The following DHX35 variants were observed in gnomAD, a reference collection of about 807,000 sequenced individuals.
DHX35 encodes probable ATP-dependent RNA helicase DHX35.
Under a neutral mutation model 99.6 loss-of-function variants are expected in DHX35, and 84 were observed. The observed-to-expected ratio is 0.84, with a 90% confidence interval of 0.71 to 1.01. DHX35 has a LOEUF of 1.01. Ranked by LOEUF, DHX35 falls within the 50% of genes least tolerant of loss-of-function variation. DHX35 has a pLI of 0.00. For synonymous variants in DHX35, 331 were observed against 316.2 expected (o/e 1.05, Z -0.50); for missense variants, 852 against 888.5 (o/e 0.96, Z 0.52).
At chr20:39,029,752 G>T (rs1014244989) in intron 19 of DHX35, 5 of 152,076 alleles carry the variant, frequency 3.3e-5, no homozygotes, top group African/African-American at 1.2e-4. Context: ...CAACAATGTG[G>T]GCTACCTAAG....
chr20:38,965,934 T>C (rs568509922), intron 1 of DHX35, among the ~76,000 whole-genome samples: 2 of 152,370 alleles, frequency 1.3e-5, no homozygotes, highest in African/African-American at 2.4e-5. Flanking sequence ...TTTTAAGCTT[T>C]TTTTGACTTG....
rs1307044162 is a variant in DHX35 at position 39,039,174 on chromosome 20, G to C, written c.*631G>C. On this transcript the variant is annotated 3_prime_UTR_variant, in exon 22 of 22. Coordinates refer to ENST00000252011, the MANE Select transcript of DHX35 (RefSeq NM_021931.4). ...GATTGGTGATTGACAGAGAGGACTC[G>C]TGCGCTGTTTTGTGTTAGCAGAGGA... 6.5e-6 allele frequency: 1 copy of C among 153,162 alleles called. No individual in the cohort carries two copies. Among genetic ancestry groups the C allele is most frequent in the Admixed American group, 6.5e-5 (1 of 15,332 alleles). 9.5% of individuals were successfully genotyped at this position (153,162 alleles called of 1,614,324 possible).
intron 2 of DHX35, among the ~76,000 whole-genome samples, chr20:38,971,458 C>T (rs1338623834): frequency 6.6e-6 from 1 of 152,102 alleles, no homozygotes; most frequent in Non-Finnish European, 1.5e-5. Context: ...GTTCCCTTGT[C>T]TGCCTTCTTT....
intron 16 of DHX35, 114 bp from the exon 17 acceptor site, chr20:39,023,576 C>T (rs1329560675): frequency 1.8e-5 from 17 of 941,170 alleles, no homozygotes; most frequent in Non-Finnish European, 2.7e-5. Context: ...TGGTCTCGAA[C>T]TTCTGGGTTC....
At chr20:38,977,036 G>A (rs749903946) in intron 3 of DHX35, among the ~76,000 whole-genome samples, 3 of 152,132 alleles carry the variant, frequency 2.0e-5, no homozygotes, top group African/African-American at 7.2e-5. Context: ...TCCATGTCTC[G>A]GCTGTTGTGA....
intron 4 of DHX35, among the ~76,000 whole-genome samples, chr20:38,987,488 C>G (rs1182529613): frequency 2.6e-5 from 4 of 152,194 alleles, no homozygotes; most frequent in African/African-American, 4.8e-5. Flanking sequence ...AGGTGATTTG[C>G]CTCCCAAAGT....
At chr20:39,008,853 G>A (rs946227004) in intron 12 of DHX35, among the ~76,000 whole-genome samples, 3 of 152,102 alleles carry the variant, frequency 2.0e-5, no homozygotes, top group African/African-American at 7.2e-5. Context: ...CCCTCAAATG[G>A]CAACATGCAG....
Position 39,003,821 on chromosome 20 carries a change from C to T in DHX35, c.925C>T (p.His309Tyr). The T allele has an allele frequency of 6.2e-7, 1 of 1,614,224 alleles. No individual in the cohort carries two copies. ...ACTAGCTCGCACTGGGATGAAGAGA[C>T]ACCTCCGAGTTCTCCCCATGTATGC... The part of the protein sequence containing the change: ...RALARTGMKR[H>Y]LRVLPMYAGL... Residue 309 changes from histidine (H) to tyrosine (Y), a missense_variant, in exon 11 of 22, where the codon CAC becomes TAC. Transcript: ENST00000252011.
intron 16 of DHX35, among the ~76,000 whole-genome samples, chr20:39,023,108 C>T (rs977332013): frequency 6.6e-6 from 1 of 152,160 alleles, no homozygotes; most frequent in African/African-American, 2.4e-5. Context: ...AGGAGAGAGA[C>T]AAGAACACTA....
chr20:38,993,072 ATTG>A (rs1325437682), intron 7 of DHX35, among the ~76,000 whole-genome samples: 1 of 151,956 alleles, frequency 6.6e-6, no homozygotes, highest in Non-Finnish European at 1.5e-5. Context: ...ATATTTTCTG[ATTG>A]TTTTCTTTGG....
At chr20:38,975,672 T>G (rs1286525634) in intron 3 of DHX35, among the ~76,000 whole-genome samples, 1 of 152,222 alleles carries the variant, frequency 6.6e-6, no homozygotes, top group Non-Finnish European at 1.5e-5. Context: ...TCTCAGTGGC[T>G]TAAAAACACA....
intron 19 of DHX35, chr20:39,030,460 T>G: frequency 2.0e-6 from 1 of 508,348 alleles, no homozygotes; most frequent in Non-Finnish European, 3.5e-6. Context: ...TTCCTAAATG[T>G]TTTTTCTAAG....
intron 13 of DHX35, among the ~76,000 whole-genome samples, chr20:39,011,019 G>C (rs1215158792): frequency 6.6e-6 from 1 of 152,046 alleles, no homozygotes; most frequent in Non-Finnish European, 1.5e-5. Context: ...TCTTCTTTGG[G>C]TTTGCTGATT....
chr20:39,032,458 C>T (rs2145948404), intron 20 of DHX35, among the ~76,000 whole-genome samples: 1 of 152,310 alleles, frequency 6.6e-6, no homozygotes, highest in South Asian at 2.1e-4. Context: ...AGGCGTGAGC[C>T]ACTGTGCCTG....
rs1181891501 is a variant in DHX35, at chr20:39,010,368, A to G, written c.1311A>G (p.Leu437=). 1.2e-6 allele frequency: 2 copies of G among 1,614,176 alleles called. No homozygotes were observed. Among genetic ancestry groups the G allele is most frequent in the South Asian group, 1.1e-5 (1 of 91,090 alleles). ...CTGTCATCCTGCAGCTGAAAGCACT[A>G]GGAATTGACAATGTCCTCAGGTTCC... ...LAPVILQLKA[L]GIDNVLRFHF... Residue 437 remains leucine (L), a synonymous_variant, in exon 13 of 22, where the codon CTA becomes CTG. Transcript: ENST00000252011.
chr20:39,006,614 G>T (rs533406169), intron 12 of DHX35, among the ~76,000 whole-genome samples: 1 of 152,294 alleles, frequency 6.6e-6, no homozygotes, highest in South Asian at 2.1e-4. Context: ...CTGGGCACAG[G>T]CCTGTGTAGC....
chr20:39,010,326 G>C lies in DHX35; in HGVS notation c.1269G>C (p.Gln423His). 1 of 1,614,128 alleles carries C rather than the reference G, an allele frequency of 6.2e-7. No homozygotes were observed. The highest frequency in any genetic ancestry group is 1.1e-5 in the South Asian group (1 of 91,078). The change falls in exon 13 of 22, where the codon CAG becomes CAC. Residue 423 changes from glutamine (Q) to histidine (H), a missense_variant. Coordinates refer to ENST00000252011, the MANE Select transcript of DHX35 (RefSeq NM_021931.4). ...CTCAGTCTACGGTTCCTGAGATGCA[G>C]CGTAGTAATTTGGCACCTGTCATCC... is the stretch of plus-strand genomic sequence containing the variant. ...KLPQSTVPEM[Q>H]RSNLAPVILQ... is the part of the protein sequence containing the mutation.
intron 5 of DHX35, among the ~76,000 whole-genome samples, chr20:38,990,382 A>G (rs1432540676): frequency 6.6e-6 from 1 of 152,236 alleles, no homozygotes; most frequent in Non-Finnish European, 1.5e-5. Context: ...CAGTACGTTA[A>G]GAAGGCTGTT....
chr20:39,002,719 C>T (rs936134007), intron 9 of DHX35, 53 bp from the exon 10 acceptor site: 2 of 1,511,516 alleles, frequency 1.3e-6, no homozygotes, highest in African/African-American at 2.8e-5. Flanking sequence ...GGTAATTGAT[C>T]TGTAATTAAT....
Sources: allele counts gnomAD v4.1 joint callset (sites outside exome capture counted in the v4.1 genomes callset), GRCh38; gene constraint gnomAD v4.1.1; transcripts MANE v1.5; gene names NCBI Gene and HGNC (gene_info 2026-07-23, HGNC 2026-07-21).